SGCG: variants seen among roughly 807,000 people sequenced by gnomAD.
The protein encoded by SGCG is gamma-sarcoglycan.
In SGCG, 26 loss-of-function variants were observed where a neutral mutation model predicts 29.3. That is an observed-to-expected ratio of 0.89 (90% CI 0.65 to 1.23). SGCG has a LOEUF of 1.23. Ranked by LOEUF, SGCG falls within the 50% of genes most tolerant of loss-of-function variation. The pLI, the probability that SGCG is intolerant of heterozygous loss-of-function variation, is 0.00. For missense variants in SGCG, 353 were observed against 356.0 expected (o/e 0.99, Z 0.07); for synonymous variants, 145 against 129.7 (o/e 1.12, Z -0.80).
At chr13:23,313,310 A>G (rs773491035) in intron 6 of SGCG, among the ~76,000 whole-genome samples, 3 of 151,986 alleles carry the variant, frequency 2.0e-5, no homozygotes, top group Non-Finnish European at 4.4e-5. Flanking sequence ...GATTACAGGC[A>G]TCCACCACCA....
At chr13:23,257,771 C>A (rs1235436486) in intron 4 of SGCG, among the ~76,000 whole-genome samples, 1 of 152,134 alleles carries the variant, frequency 6.6e-6, no homozygotes, top group Non-Finnish European at 1.5e-5. Flanking sequence ...ATATGGCTAG[C>A]CAGTTTTCCT....
At chr13:23,246,441 C>G (rs942260309) in intron 3 of SGCG, 1 of 152,184 alleles carries the variant, frequency 6.6e-6, no homozygotes, top group Admixed American at 6.5e-5. Context: ...GCACCTTTAC[C>G]AAATTCAGAA....
chr13:23,215,065 A>T (rs2137518137), intron 2 of SGCG, among the ~76,000 whole-genome samples: 1 of 152,272 alleles, frequency 6.6e-6, no homozygotes, highest in East Asian at 1.9e-4. Context: ...CTTTTATTAT[A>T]ATTTTTATGA....
rs1186829207 is a variant in SGCG, at chr13:23,299,994, A to C, written c.578+4507A>C. Among the ~76,000 whole-genome samples the C allele has an allele frequency of 5.3e-5, 8 of 152,350 alleles. No individual in the cohort carries two copies. In the East Asian group the frequency reaches 1.5e-3, roughly 29 times the overall value. ...TAGAAAAGTATATTTAACTGCTATG[A>C]TAAAAGTACAACTTCTATTGGAGGC... On this transcript the variant is annotated intron_variant, in intron 6 of 7. Coordinates refer to ENST00000218867, the MANE Select transcript of SGCG (RefSeq NM_000231.3).
chr13:23,219,111 G>A (rs1488304045), intron 2 of SGCG, among the ~76,000 whole-genome samples: 11 of 150,580 alleles, frequency 7.3e-5, no homozygotes, highest in East Asian at 3.9e-4. Context: ...GCAGTGGCAC[G>A]ATCTCAGCTC....
intron 7 of SGCG, among the ~76,000 whole-genome samples, chr13:23,323,665 C>A (rs1883130104): frequency 6.6e-6 from 1 of 152,190 alleles, no homozygotes; most frequent in Non-Finnish European, 1.5e-5. Flanking sequence ...ACCAGAATAT[C>A]CAGTAGTTTT....
upstream of SGCG, among the ~76,000 whole-genome samples, chr13:23,180,591 T>C (rs1443379275): frequency 6.6e-6 from 1 of 152,204 alleles, no homozygotes; most frequent in East Asian, 1.9e-4. Flanking sequence ...TTTGAAGAGA[T>C]TTTTCGTAAA....
chr13:23,168,750 T>A, the SGCG span, among the ~76,000 whole-genome samples: 2 of 152,218 alleles, frequency 1.3e-5, no homozygotes, highest in Non-Finnish European at 2.9e-5. Flanking sequence ...ATGACAGAGA[T>A]AATCATTGAT....
At chr13:23,231,793 A>C (rs1879124122) in intron 2 of SGCG, among the ~76,000 whole-genome samples, 1 of 152,154 alleles carries the variant, frequency 6.6e-6, no homozygotes, top group African/African-American at 2.4e-5. Context: ...CCCTTTCTTC[A>C]AACAAAATCT....
At chr13:23,186,962 CT>C (rs1015467803) in intron 1 of SGCG, among the ~76,000 whole-genome samples, 19 of 152,334 alleles carry the variant, frequency 1.2e-4, no homozygotes, top group African/African-American at 4.6e-4. Flanking sequence ...ATGTAACCCC[CT>C]GGCCACCGAG....
chr13:23,197,479 A>G (rs934526922), intron 1 of SGCG, among the ~76,000 whole-genome samples: 1 of 152,196 alleles, frequency 6.6e-6, no homozygotes, highest in Non-Finnish European at 1.5e-5. Context: ...GAGGTTTGCT[A>G]AGCCCTCAGT....
chr13:23,284,229 C>G (rs1204774946), intron 5 of SGCG, among the ~76,000 whole-genome samples: 3 of 152,170 alleles, frequency 2.0e-5, no homozygotes. Context: ...TTCCCCATCA[C>G]TTTCAGGTAC....
chr13:23,211,552 T>C (rs541984643), intron 2 of SGCG, among the ~76,000 whole-genome samples: 68 of 152,160 alleles, frequency 4.5e-4, no homozygotes, highest in Non-Finnish European at 7.5e-4. Flanking sequence ...CTTCTGGCTG[T>C]TTCAAAGTTC....
chr13:23,251,521 C>G (rs1378615447), intron 4 of SGCG, among the ~76,000 whole-genome samples: 2 of 152,024 alleles, frequency 1.3e-5, no homozygotes, highest in African/African-American at 4.8e-5. Context: ...GGTGGCTCAC[C>G]CCTGTAATCC....
intron 6 of SGCG, among the ~76,000 whole-genome samples, chr13:23,304,243 T>C (rs972445526): frequency 4.6e-5 from 7 of 152,208 alleles, no homozygotes; most frequent in African/African-American, 7.2e-5. Context: ...TACATACTCA[T>C]GTTTATTAAT....
chr13:23,203,932 C>A, intron 2 of SGCG, 43 bp downstream of exon 2: 2 of 1,313,256 alleles, frequency 1.5e-6, no homozygotes, highest in Non-Finnish European at 2.2e-6. Flanking sequence ...TTGTTTTGTT[C>A]ACTGTATCAC....
intron 5 of SGCG, among the ~76,000 whole-genome samples, chr13:23,281,262 C>A (rs1241524303): frequency 1.3e-5 from 2 of 151,870 alleles, no homozygotes; most frequent in Admixed American, 6.6e-5. Flanking sequence ...ATCACCTGAG[C>A]CTGGGAGGCA....
At chr13:23,250,209 A>G (rs1879908143) in intron 3 of SGCG, among the ~76,000 whole-genome samples, 1 of 152,326 alleles carries the variant, frequency 6.6e-6, no homozygotes, top group South Asian at 2.1e-4. Context: ...TTTACTTTAC[A>G]CATTATAAAA....
At chr13:23,294,899 AT>A (rs1276653250) in intron 5 of SGCG, among the ~76,000 whole-genome samples, 1 of 152,212 alleles carries the variant, frequency 6.6e-6, no homozygotes, top group Non-Finnish European at 1.5e-5. Context: ...GGCCTTGCAT[AT>A]AATTAGGTTC....
Sources: allele counts gnomAD v4.1 joint callset (sites outside exome capture counted in the v4.1 genomes callset), GRCh38; gene constraint gnomAD v4.1.1; transcripts MANE v1.5; gene names NCBI Gene and HGNC (gene_info 2026-07-23, HGNC 2026-07-21).